Variants in CCDC93 observed in about 807,000 individuals in gnomAD.
CCDC93 encodes the protein coiled-coil domain-containing protein 93.
Under a neutral mutation model 108.2 loss-of-function variants are expected in CCDC93, and 61 were observed. The observed-to-expected ratio is 0.56, with a 90% CI of 0.46 to 0.70. CCDC93 has a LOEUF of 0.70. Ranked by LOEUF, CCDC93 falls within the 30% of genes least tolerant of loss-of-function variation. The probability of loss-of-function intolerance (pLI) is 0.00; values close to 1 mark genes in which losing one functional copy is unlikely to be tolerated. For missense variants in CCDC93, 685 were observed against 764.2 expected (o/e 0.90, Z 1.22); for synonymous variants, 276 against 260.4 (o/e 1.06, Z -0.58).
chr2:118,001,104 T>G lies in CCDC93; in HGVS notation c.252-172A>C, dbSNP rs1680836419. 7.0e-6 allele frequency: 4 copies of G among 567,800 alleles called. No individual in the cohort carries two copies. The East Asian group carries it at 1.1e-4, about 16-fold the overall frequency. The allele number at this position is 567,800 out of a possible 1,614,324, so 35.2% of individuals were successfully genotyped here. On this transcript the variant is annotated intron_variant, in intron 3 of 23. Transcript: ENST00000376300. ...CAAAATGAGAAAAATAAGCACAATT[T>G]GGTGGTGTGTAGGTGTGTGGTCACA... is the stretch of plus-strand genomic sequence containing the variant.
At chr2:117,986,225 C>T (rs561429762) in intron 6 of CCDC93, among the ~76,000 whole-genome samples, 156 bp from the exon 7 acceptor site, 250 of 137,450 alleles carry the variant, frequency 1.8e-3, no homozygotes, top group African/African-American at 6.5e-3. Context: ...AATGCAGTGG[C>T]GCGATCTCGG....
At chr2:117,986,128 T>TTGTACACTTCCTAAGTGGATGAGACA in intron 6 of CCDC93, 59 bp from the exon 7 acceptor site, 1 of 908,722 alleles carries the variant, frequency 1.1e-6, no homozygotes, top group Non-Finnish European at 1.8e-6. Flanking sequence ...CTGAATTGGC[T>TTGTACACTTCCTAAGTGGATGAGACA]GCTGGATGCC....
At chr2:117,925,616 A>C (rs962682546) in intron 23 of CCDC93, among the ~76,000 whole-genome samples, 6 of 152,226 alleles carry the variant, frequency 3.9e-5, no homozygotes, top group Non-Finnish European at 7.3e-5. Flanking sequence ...ACCCAGATTC[A>C]TAAAGCAAGT....
At chr2:117,937,856 G>A (rs1541715) in intron 20 of CCDC93, among the ~76,000 whole-genome samples, 59,465 of 151,906 alleles carry the variant, frequency 0.39, 12,270 homozygotes, top group East Asian at 0.67. Context: ...TGTAAGCCCC[G>A]GATACAGAAA....
intron 23 of CCDC93, among the ~76,000 whole-genome samples, chr2:117,928,771 A>G (rs1469184856): frequency 6.6e-6 from 1 of 152,242 alleles, no homozygotes; most frequent in African/African-American, 2.4e-5. Flanking sequence ...TACATACCCA[A>G]AGGATTATAA....
At chr2:117,954,637 TCAG>T (rs949406483) in intron 12 of CCDC93, among the ~76,000 whole-genome samples, 7 of 152,204 alleles carry the variant, frequency 4.6e-5, no homozygotes, top group African/African-American at 1.7e-4. Flanking sequence ...TTCATCACTC[TCAG>T]GTTTCCTCTT....
At chr2:117,931,656 T>C (rs1335740369) in intron 22 of CCDC93, 2 of 152,390 alleles carry the variant, frequency 1.3e-5, no homozygotes, top group African/African-American at 2.4e-5. Flanking sequence ...AATAAAACCG[T>C]GTATCCTCTT....
chr2:117,971,390 C>A (rs1485682516), intron 11 of CCDC93, among the ~76,000 whole-genome samples: 1 of 148,792 alleles, frequency 6.7e-6, no homozygotes, highest in African/African-American at 2.5e-5. Context: ...CACCCATACA[C>A]ACAAACACAC....
chr2:117,982,208 G>C (rs188808537), intron 7 of CCDC93, among the ~76,000 whole-genome samples: 2 of 152,134 alleles, frequency 1.3e-5, no homozygotes, highest in African/African-American at 4.8e-5. Context: ...GCTAACTCCA[G>C]CATTCTGGTG....
chr2:117,966,492 G>T (rs1679579261), intron 11 of CCDC93, among the ~76,000 whole-genome samples: 1 of 152,182 alleles, frequency 6.6e-6, no homozygotes, highest in African/African-American at 2.4e-5. Flanking sequence ...CAACATGCTG[G>T]GTAGAATTCC....
intron 16 of CCDC93, 136 bp downstream of exon 16, chr2:117,946,675 T>C (rs1443349845): frequency 3.2e-6 from 2 of 633,844 alleles, no homozygotes; most frequent in African/African-American, 3.7e-5. Context: ...TCTAAGAAGG[T>C]CACAGAAGGA....
intron 22 of CCDC93, among the ~76,000 whole-genome samples, chr2:117,933,244 T>C (rs17569710): frequency 0.057 from 8,668 of 152,324 alleles, 300 homozygotes; most frequent in Non-Finnish European, 0.082. Flanking sequence ...ACCTGGTCTA[T>C]AGTAGCTGCT....
intron 23 of CCDC93, among the ~76,000 whole-genome samples, chr2:117,920,952 G>A (rs1164401284): frequency 4.6e-5 from 7 of 152,134 alleles, no homozygotes; most frequent in African/African-American, 7.2e-5. Flanking sequence ...GGGAGGCCGA[G>A]GCAGGCGGAT....
rs1464340258 is a variant in CCDC93, at chr2:117,920,232, C to A, written c.*111G>T. 2.9e-5 allele frequency: 19 copies of A among 659,948 alleles called. No individual in the cohort carries two copies. The highest frequency in any genetic ancestry group is 5.0e-5 in the Non-Finnish European group (19 of 381,948). 40.9% of individuals were successfully genotyped at this position (659,948 alleles called of 1,614,324 possible). Reference sequence around the variant, plus strand: ...AAGAAAACATCCAGGTTGTTGAAATCATCACAACTGCATCTCTCTACTGTC... The same window carrying A: ...AAGAAAACATCCAGGTTGTTGAAATAATCACAACTGCATCTCTCTACTGTC... On this transcript the variant is annotated 3_prime_UTR_variant, in exon 24 of 24. Transcript: ENST00000376300.
At position 117,950,933 on chromosome 2, in the gene CCDC93, G is replaced by A. The variant is rs145056044; in HGVS notation, c.1068+1440C>T. The A allele has an allele frequency of 2.5e-5, 25 of 985,312 alleles. No homozygotes were observed. The Admixed American group carries it at 1.5e-3, about 58-fold the overall frequency. The allele number at this position is 985,312 out of a possible 1,614,324, so 61.0% of individuals were successfully genotyped here. On this transcript the variant is annotated intron_variant, in intron 13 of 23. Transcript: ENST00000376300. ...AAAAAGGAACGACGACTGCAGGAAT[G>A]ATATGCCCAGAGCAATGTTGGCTGC... is the stretch of plus-strand genomic sequence containing the variant.
intron 11 of CCDC93, among the ~76,000 whole-genome samples, chr2:117,970,146 T>C (rs968087614): frequency 5.9e-5 from 9 of 152,182 alleles, no homozygotes; most frequent in Non-Finnish European, 1.2e-4. Flanking sequence ...TGCATGACTT[T>C]ACCACAGAAC....
At position 117,939,116 on chromosome 2, in the gene CCDC93, AAAAGT is replaced by A. The variant is rs769381020; in HGVS notation, c.1523-10_1523-6del. The A allele has an allele frequency of 1.3e-6, 2 of 1,570,974 alleles. No individual in the cohort carries two copies. On this transcript the variant is annotated splice_polypyrimidine_tract_variant and splice_region_variant and intron_variant, in intron 19 of 23. Coordinates refer to ENST00000376300, the MANE Select transcript of CCDC93 (RefSeq NM_019044.5). ...TTTCTTTGTGCACTGCTGAAACTGT[AAAAGT>A]AAAGAAATCAGCACACGAATAAGAA...
chr2:117,973,980 T>G lies in CCDC93; in HGVS notation c.816A>C (p.Ala272=), dbSNP rs777787939. ...AMANEESRLT[A]SSVGQIVGLC... ...GTCCCACAATCTGGCCCACGGAGCT[T>G]GCGGTGAGACGGCTCTGCAAGTATA... Residue 272 remains alanine (A), a synonymous_variant, in exon 11 of 24, where the codon GCA becomes GCC. Transcript: ENST00000376300. 3 of 1,610,746 alleles carry G rather than the reference T, an allele frequency of 1.9e-6. No homozygotes were observed. The South Asian group carries it at 3.3e-5, about 18-fold the overall frequency.
intron 6 of CCDC93, 84 bp from the exon 7 acceptor site, chr2:117,986,153 A>G: frequency 2.4e-6 from 1 of 418,086 alleles, no homozygotes; most frequent in East Asian, 4.9e-5. Context: ...GCCATGGGGT[A>G]TATTCTCTTT....
Sources: allele counts gnomAD v4.1 joint callset (sites outside exome capture counted in the v4.1 genomes callset), GRCh38; gene constraint gnomAD v4.1.1; transcripts MANE v1.5; gene names NCBI Gene and HGNC (gene_info 2026-07-23, HGNC 2026-07-21).